EDARADD: variants seen among roughly 807,000 people sequenced by gnomAD.
EDARADD encodes the protein EDAR associated via death domain, also known as ectodysplasin-A receptor-associated adapter protein.
A neutral mutation model predicts 25.6 loss-of-function variants in EDARADD; 20 were observed. The observed-to-expected ratio is 0.78, with a 90% CI of 0.55 to 1.14. The LOEUF (loss-of-function observed/expected upper bound fraction) is 1.14, where lower values mean the gene tolerates loss of function less well. Ranked by LOEUF, EDARADD falls within the 50% of genes most tolerant of loss-of-function variation. EDARADD has a pLI of 0.00. For synonymous variants in EDARADD, 86 were observed against 94.4 expected, an observed-to-expected ratio of 0.91 and a Z score of 0.52; for missense variants, 225 against 270.1, an observed-to-expected ratio of 0.83 and a Z score of 1.17.
intron 4 of EDARADD, among the ~76,000 whole-genome samples, chr1:236,453,090 G>T (rs148520983): frequency 6.6e-6 from 1 of 152,070 alleles, no homozygotes; most frequent in African/African-American, 2.4e-5. Context: ...TTGCCAGTTC[G>T]TTCTTCCACT....
intron 4 of EDARADD, among the ~76,000 whole-genome samples, chr1:236,459,611 C>CCTTTTTTT (rs776064017): frequency 1.0e-5 from 1 of 100,462 alleles, no homozygotes; most frequent in Non-Finnish European, 2.0e-5. Context: ...TTATTTAGCT[C>CCTTTTTTT]TTTTTTTTTT....
chr1:236,423,182 T>C lies in EDARADD; in HGVS notation c.161-4210T>C, dbSNP rs1380432398. The stretch of plus-strand genomic sequence containing the variant: ...GGCCCAAATTTACATTGAGCTGACT[T>C]GCAAGTACTGGCATCAATGAGATTA... On this transcript the variant is annotated intron_variant, in intron 3 of 5. Coordinates refer to ENST00000334232, the MANE Select transcript of EDARADD (RefSeq NM_145861.4). 2.0e-5 allele frequency among the ~76,000 whole-genome samples: 3 copies of C among 152,150 alleles called. No individual in the cohort carries two copies. In the East Asian group the frequency reaches 5.8e-4, roughly 29 times the overall value.
At chr1:236,411,342 G>A (rs1322701205) in intron 2 of EDARADD, among the ~76,000 whole-genome samples, 1 of 152,104 alleles carries the variant, frequency 6.6e-6, no homozygotes, top group Non-Finnish European at 1.5e-5. Flanking sequence ...TTCTCCCTCT[G>A]AGACCCATAG....
intron 3 of EDARADD, among the ~76,000 whole-genome samples, chr1:236,384,405 A>T (rs908916442): frequency 3.9e-5 from 6 of 151,964 alleles, no homozygotes; most frequent in African/African-American, 1.5e-4. Flanking sequence ...ACCTTTTTCA[A>T]TTTTTTTGTT....
In EDARADD at chr1:236,482,324, G is replaced by A. The variant is rs752275345; in HGVS notation, c.323G>A (p.Arg108Gln). The A allele has an allele frequency of 6.3e-5, 102 of 1,613,914 alleles. No individual in the cohort carries two copies. The South Asian group carries it at 6.9e-4, about 11-fold the overall frequency. Residue 108 changes from arginine to glutamine, a missense_variant, in exon 6 of 6, where the codon CGG becomes CAG. Coordinates refer to ENST00000334232, the MANE Select transcript of EDARADD (RefSeq NM_145861.4). The part of the protein sequence containing the change: ...ENCTCSSCLL[R>Q]APTISDLLND... Reference sequence around the variant, plus strand: ...TGTACTTGTTCCTCCTGCTTGCTCCGGGCCCCCACCATAAGTGACTTGCTC... The same window carrying A: ...TGTACTTGTTCCTCCTGCTTGCTCCAGGCCCCCACCATAAGTGACTTGCTC...
intron 3 of EDARADD, among the ~76,000 whole-genome samples, chr1:236,375,260 A>T (rs1466102028): frequency 6.6e-6 from 1 of 152,188 alleles, no homozygotes; most frequent in Non-Finnish European, 1.5e-5. Flanking sequence ...TCACAGATAC[A>T]TAAGCATACG....
intron 5 of EDARADD, among the ~76,000 whole-genome samples, chr1:236,472,060 T>C (rs1306411935): frequency 6.6e-6 from 1 of 152,180 alleles, no homozygotes; most frequent in African/African-American, 2.4e-5. Context: ...ATGAGCATGC[T>C]TGATTCCTGA....
At chr1:236,465,610 C>T (rs1659166156) in intron 4 of EDARADD, among the ~76,000 whole-genome samples, 1 of 152,176 alleles carries the variant, frequency 6.6e-6, no homozygotes, top group African/African-American at 2.4e-5. Flanking sequence ...AAGTCACTAT[C>T]TTGTGCCTTG....
chr1:236,368,391 T>C (rs1395173671), intron 3 of EDARADD, among the ~76,000 whole-genome samples: 1 of 152,024 alleles, frequency 6.6e-6, no homozygotes, highest in African/African-American at 2.4e-5. Flanking sequence ...CATTATTCTC[T>C]TGTCTTCATA....
chr1:236,376,458 T>TC (rs1667227120), intron 3 of EDARADD, among the ~76,000 whole-genome samples: 2 of 152,046 alleles, frequency 1.3e-5, no homozygotes, highest in South Asian at 4.1e-4. Context: ...TGCCATTTTT[T>TC]CTCTTTCAAT....
intron 2 of EDARADD, among the ~76,000 whole-genome samples, chr1:236,412,339 T>C (rs533656060): frequency 6.6e-6 from 1 of 152,198 alleles, no homozygotes; most frequent in Admixed American, 6.5e-5. Context: ...CAATCCCTAT[T>C]TGCCATCTCA....
chr1:236,478,456 A>ATG (rs560229014), intron 5 of EDARADD, among the ~76,000 whole-genome samples: 15 of 150,234 alleles, frequency 1.0e-4, no homozygotes, highest in South Asian at 2.1e-4. Flanking sequence ...TGATATATAT[A>ATG]TGTGTGTGTG....
intron 4 of EDARADD, among the ~76,000 whole-genome samples, chr1:236,451,643 G>A (rs1658716095): frequency 1.3e-5 from 2 of 152,070 alleles, no homozygotes; most frequent in Non-Finnish European, 2.9e-5. Context: ...GGCTGGTCTT[G>A]AACTCCTAAC....
At chr1:236,453,676 G>A (rs74854172) in intron 4 of EDARADD, among the ~76,000 whole-genome samples, 7,568 of 152,198 alleles carry the variant, frequency 0.05, 662 homozygotes, top group African/African-American at 0.17. Flanking sequence ...GTAACATGCT[G>A]CACAGGTTTG....
intron 2 of EDARADD, among the ~76,000 whole-genome samples, chr1:236,410,125 T>C (rs552347486): frequency 3.9e-5 from 6 of 152,154 alleles, no homozygotes; most frequent in Admixed American, 3.3e-4. Flanking sequence ...CATGGGTACG[T>C]ATGCAGCTTT....
intron 4 of EDARADD, among the ~76,000 whole-genome samples, chr1:236,465,865 C>T (rs1194439840): frequency 6.6e-6 from 1 of 152,174 alleles, no homozygotes; most frequent in Non-Finnish European, 1.5e-5. Context: ...ATAATCAGAG[C>T]TAAGAACAAA....
At chr1:236,381,927 A>C (rs1160263871) in intron 3 of EDARADD, among the ~76,000 whole-genome samples, 1 of 149,622 alleles carries the variant, frequency 6.7e-6, no homozygotes, top group Non-Finnish European at 1.5e-5. Context: ...CTACAGGCAC[A>C]TGCCACCATA....
At chr1:236,361,080 T>G (rs585537) in intron 3 of EDARADD, among the ~76,000 whole-genome samples, 4 of 152,000 alleles carry the variant, frequency 2.6e-5, no homozygotes, top group Admixed American at 2.0e-4. Context: ...GACATACAGT[T>G]GACACACAAC....
At chr1:236,371,088 C>G (rs1667167660) in intron 3 of EDARADD, among the ~76,000 whole-genome samples, 1 of 152,136 alleles carries the variant, frequency 6.6e-6, no homozygotes, top group Non-Finnish European at 1.5e-5. Flanking sequence ...CTTCCTTGGA[C>G]TTTAGGGGTA....
Sources: allele counts gnomAD v4.1 joint callset (sites outside exome capture counted in the v4.1 genomes callset), GRCh38; gene constraint gnomAD v4.1.1; transcripts MANE v1.5; gene names NCBI Gene and HGNC (gene_info 2026-07-23, HGNC 2026-07-21).